The following LMLN variants were observed in gnomAD, a reference collection of about 807,000 sequenced individuals.
LMLN encodes leishmanolysin-like peptidase.
LMLN carries 70 observed loss-of-function variants against 92.3 expected under a neutral mutation model. The ratio of observed to expected loss-of-function variants is 0.76; its 90% CI spans 0.63 to 0.92. The LOEUF is 0.92. LMLN is among the 40% of genes least tolerant of loss of function. LMLN has a pLI of 0.00. For synonymous variants in LMLN, 308 were observed against 296.2 expected (o/e 1.04, Z -0.41); for missense variants, 691 against 814.6 (o/e 0.85, Z 1.85).
At position 198,031,340 on chromosome 3, in the gene LMLN, T is replaced by C. The variant is rs1723074163; in HGVS notation, c.1657-4493T>C. Among the ~76,000 whole-genome samples the C allele has an allele frequency of 6.6e-6, 1 of 152,196 alleles. No individual in the cohort carries two copies. Among genetic ancestry groups the C allele is most frequent in the Non-Finnish European group, 1.5e-5 (1 of 68,034 alleles). ...GGTGATAAAAATGTTTGTTTTCTCCTGGAAAAGGAAGGGTATTATTCATGT... is the reference window on the plus strand; with the variant it reads ...GGTGATAAAAATGTTTGTTTTCTCCCGGAAAAGGAAGGGTATTATTCATGT... On this transcript the variant is annotated intron_variant, in intron 14 of 15. Transcript: ENST00000330198. The surrounding 1 kb of genome is among the most constrained non-coding windows in gnomAD (Gnocchi z 4.8).
intron 9 of LMLN, among the ~76,000 whole-genome samples, chr3:197,995,777 C>G (rs1021568335): frequency 6.6e-6 from 1 of 151,798 alleles, no homozygotes; most frequent in Non-Finnish European, 1.5e-5. Context: ...TATATTAGCT[C>G]GATATAATTA....
At chr3:198,014,225 G>T (rs1456727526) in intron 11 of LMLN, among the ~76,000 whole-genome samples, 4 of 148,470 alleles carry the variant, frequency 2.7e-5, no homozygotes, top group Non-Finnish European at 4.4e-5. Context: ...CCCTTAACTA[G>T]TCTGACTTCT....
chr3:198,014,686 T>C (rs1283517226), intron 11 of LMLN, among the ~76,000 whole-genome samples: 7 of 130,852 alleles, frequency 5.3e-5, no homozygotes, highest in East Asian at 2.3e-4. Flanking sequence ...CTTCTCTGTA[T>C]CCTTCAGAGC....
intron 11 of LMLN, among the ~76,000 whole-genome samples, chr3:198,012,165 A>G (rs1722463305): frequency 6.6e-6 from 1 of 152,100 alleles, no homozygotes; most frequent in South Asian, 2.1e-4. Flanking sequence ...GCCGAGTTCA[A>G]GCTCTTCTCC....
At chr3:198,006,600 G>A (rs76942168) in intron 11 of LMLN, among the ~76,000 whole-genome samples, 1,992 of 152,210 alleles carry the variant, frequency 0.013, 47 homozygotes, top group African/African-American at 0.045. Flanking sequence ...TGATAGGAGC[G>A]TAGTGATATT....
Position 197,980,316 on chromosome 3 carries a change from G to A in LMLN, c.550-10G>A, listed in dbSNP as rs749068667. On this transcript the variant is annotated splice_polypyrimidine_tract_variant and intron_variant, in intron 5 of 15. Coordinates refer to ENST00000330198, the Ensembl canonical transcript of LMLN. ...CTGTTCTGGCTTTCTGATGTCTCCC[G>A]TGGGTGCAGCAATGCCGGGTCTACC... The A allele has an allele frequency of 5.0e-6, 8 of 1,608,158 alleles. No homozygotes were observed. Among genetic ancestry groups the A allele is most frequent in the Middle Eastern group, 1.7e-4 (1 of 5,922 alleles).
At chr3:198,038,487 T>C (rs1446287943) in intron 15 of LMLN, 80 bp from the exon 17 acceptor site, 4 of 993,132 alleles carry the variant, frequency 4.0e-6, no homozygotes, top group Non-Finnish European at 6.5e-6. Flanking sequence ...TAATCACTGC[T>C]CTTCATCTGT....
intron 7 of LMLN, among the ~76,000 whole-genome samples, chr3:197,984,599 T>C (rs1263179515): frequency 1.3e-5 from 2 of 150,488 alleles, no homozygotes; most frequent in Non-Finnish European, 3.0e-5. Flanking sequence ...TACAGACATG[T>C]GCCACTACAC....
chr3:197,987,261 G>C (rs1172243701), intron 8 of LMLN, among the ~76,000 whole-genome samples: 1 of 150,202 alleles, frequency 6.7e-6, no homozygotes, highest in Non-Finnish European at 1.5e-5. Flanking sequence ...CTGGGTTCAC[G>C]CCATTCTTCT....
chr3:198,027,800 T>C (rs2109947195), intron 14 of LMLN, among the ~76,000 whole-genome samples: 1 of 152,294 alleles, frequency 6.6e-6, no homozygotes, highest in East Asian at 1.9e-4. Context: ...TCTTGGCTAT[T>C]GGAGTCTTGC....
At chr3:198,007,989 A>G (rs561700808) in intron 11 of LMLN, among the ~76,000 whole-genome samples, 2 of 152,220 alleles carry the variant, frequency 1.3e-5, no homozygotes, top group Non-Finnish European at 2.9e-5. Context: ...GTTGCTATGC[A>G]TAATCAAGTG....
intron 4 of LMLN, 44 bp downstream of exon 4, chr3:197,976,155 AC>A: frequency 8.4e-7 from 1 of 1,190,668 alleles, no homozygotes; most frequent in East Asian, 2.4e-5. Flanking sequence ...GCCGTTTAGT[AC>A]TCTGCCTTTC....
intron 8 of LMLN, among the ~76,000 whole-genome samples, chr3:197,988,414 A>G (rs1721773287): frequency 7.2e-6 from 1 of 138,568 alleles, no homozygotes; most frequent in African/African-American, 2.7e-5. Context: ...TGATTTATGT[A>G]TTTTGGGATT....
At chr3:198,008,628 G>C (rs1348001615) in intron 11 of LMLN, among the ~76,000 whole-genome samples, 1 of 152,214 alleles carries the variant, frequency 6.6e-6, no homozygotes, top group African/African-American at 2.4e-5. Flanking sequence ...TCAGAAGGCT[G>C]AAGCAGGAGG....
At position 198,024,518 on chromosome 3, in the gene LMLN, C is replaced by G. The variant is rs969575309; in HGVS notation, c.1526-140C>G. ...GCGTGAGCCACCGTGCCCAGCCTAC[C>G]CTAATTTTTTAAATTTAAAATTTCC... On this transcript the variant is annotated intron_variant, in intron 13 of 15. Coordinates refer to ENST00000330198, the Ensembl canonical transcript of LMLN. 9 of 755,088 alleles carry G rather than the reference C, an allele frequency of 1.2e-5. No individual in the cohort carries two copies. The African/African-American group carries it at 1.6e-4, about 14-fold the overall frequency. The allele number at this position is 755,088 out of a possible 1,614,324, so 46.8% of individuals were successfully genotyped here. A position where few individuals can be genotyped will look rare whatever the true frequency, so the allele number is the denominator to read the frequency against.
intron 11 of LMLN, among the ~76,000 whole-genome samples, chr3:198,006,228 C>G (rs1722290036): frequency 6.6e-6 from 1 of 152,126 alleles, no homozygotes; most frequent in Non-Finnish European, 1.5e-5. Flanking sequence ...GGAAATTCAT[C>G]CAGGTTGTTG....
intron 1 of LMLN, among the ~76,000 whole-genome samples, chr3:197,964,682 C>T (rs1240770247): frequency 6.6e-6 from 1 of 150,952 alleles, no homozygotes; most frequent in Non-Finnish European, 1.5e-5. Flanking sequence ...CAGGCGTGAG[C>T]CACCACGCCC....
At chr3:197,961,364 A>G (rs766390117) in intron 1 of LMLN, among the ~76,000 whole-genome samples, 1 of 152,186 alleles carries the variant, frequency 6.6e-6, no homozygotes, top group Non-Finnish European at 1.5e-5. Flanking sequence ...ACACCTACAC[A>G]TGTTCAATTC....
At chr3:197,988,407 T>C (rs1196396409) in intron 8 of LMLN, among the ~76,000 whole-genome samples, 1 of 151,766 alleles carries the variant, frequency 6.6e-6, no homozygotes, top group Admixed American at 6.6e-5. Context: ...TTTTTTTTGA[T>C]TTATGTATTT....
Sources: gnomAD v4.1 joint callset for allele counts (sites outside exome capture counted in the v4.1 genomes callset) on GRCh38, gnomAD v4.1.1 for gene constraint, Gnocchi (gnomAD v3.1) non-coding constraint, MANE v1.5 for transcripts, NCBI Gene and HGNC (gene_info 2026-07-23, HGNC 2026-07-21) for gene names.